ROBO1: variants seen among roughly 807,000 people sequenced by gnomAD.
ROBO1 encodes the protein roundabout homolog 1.
ROBO1 carries 149 observed loss-of-function variants against 195.9 expected under a neutral mutation model. That is an observed-to-expected ratio of 0.76 (90% confidence interval 0.67 to 0.87). ROBO1 has a LOEUF of 0.87. Among genes scored for constraint, ROBO1 ranks in the 40% least tolerant of loss-of-function variants. ROBO1 has a pLI of 0.00. For synonymous variants in ROBO1, 816 were observed against 733.2 expected (o/e 1.11, Z -1.82); for missense variants, 1,933 against 2,068.3 (o/e 0.93, Z 1.27).
At chr3:78,750,294 A>C (rs972050286) in intron 4 of ROBO1, among the ~76,000 whole-genome samples, 1 of 151,850 alleles carries the variant, frequency 6.6e-6, no homozygotes, top group African/African-American at 2.4e-5. Flanking sequence ...TCTACTAAAA[A>C]TACAAAAAAT....
intron 7 of ROBO1, among the ~76,000 whole-genome samples, chr3:78,716,724 T>C (rs1261624225): frequency 2.6e-5 from 4 of 152,166 alleles, no homozygotes; most frequent in Non-Finnish European, 5.9e-5. Flanking sequence ...GGAGTGAACA[T>C]AATGGAGAAG....
chr3:78,993,788 TATTC>T (rs2077291828), intron 3 of ROBO1, among the ~76,000 whole-genome samples: 1 of 152,190 alleles, frequency 6.6e-6, no homozygotes, highest in Non-Finnish European at 1.5e-5. Context: ...AAGTGAAATC[TATTC>T]TACTTCTGTA....
intron 8 of ROBO1, among the ~76,000 whole-genome samples, chr3:78,700,685 T>C (rs1363617257): frequency 2.6e-5 from 4 of 152,114 alleles, no homozygotes; most frequent in Non-Finnish European, 4.4e-5. Context: ...AAAATGAAGA[T>C]TAAGTAAATT....
intron 2 of ROBO1, among the ~76,000 whole-genome samples, chr3:79,284,480 A>T (rs1443546975): frequency 6.6e-6 from 1 of 152,188 alleles, no homozygotes; most frequent in Non-Finnish European, 1.5e-5. Flanking sequence ...CTTAAAGTAA[A>T]ATTAAAAAAC....
intron 2 of ROBO1, among the ~76,000 whole-genome samples, chr3:79,244,699 C>G (rs1029298787): frequency 2.6e-5 from 4 of 151,970 alleles, no homozygotes; most frequent in Non-Finnish European, 5.9e-5. Context: ...TGCTCTGATT[C>G]TATATATAAA....
At chr3:79,658,285 T>G (rs1946229253) in intron 1 of ROBO1, among the ~76,000 whole-genome samples, 1 of 152,134 alleles carries the variant, frequency 6.6e-6, no homozygotes, top group Non-Finnish European at 1.5e-5. Context: ...TAGAGCACAA[T>G]GTTCTGATGT....
intron 3 of ROBO1, among the ~76,000 whole-genome samples, chr3:79,066,488 T>A (rs2079004429): frequency 6.6e-6 from 1 of 151,868 alleles, no homozygotes; most frequent in Admixed American, 6.6e-5. Flanking sequence ...GAAAAACAAA[T>A]AAATAATCAC....
intron 4 of ROBO1, among the ~76,000 whole-genome samples, chr3:78,836,700 T>C (rs1414371008): frequency 1.3e-5 from 2 of 152,108 alleles, no homozygotes; most frequent in Admixed American, 6.5e-5. Context: ...TCAACTGACC[T>C]GTATGATAAT....
At chr3:79,092,169 G>C (rs566297792) in intron 3 of ROBO1, among the ~76,000 whole-genome samples, 1 of 152,298 alleles carries the variant, frequency 6.6e-6, no homozygotes, top group African/African-American at 2.4e-5. Context: ...TGAAGGTAGA[G>C]CCAACAGGAC....
intron 1 of ROBO1, among the ~76,000 whole-genome samples, chr3:79,679,551 T>A (rs1560094117): frequency 6.6e-6 from 1 of 152,080 alleles, no homozygotes; most frequent in Non-Finnish European, 1.5e-5. Flanking sequence ...ATTTTTTAAA[T>A]GTTCAAATGT....
chr3:79,546,228 T>C (rs1485944013), intron 2 of ROBO1, among the ~76,000 whole-genome samples: 1 of 152,064 alleles, frequency 6.6e-6, no homozygotes, highest in African/African-American at 2.4e-5. Context: ...AAATACAGCA[T>C]ATAATACATA....
intron 3 of ROBO1, among the ~76,000 whole-genome samples, chr3:79,020,182 G>A (rs1218786782): frequency 1.3e-5 from 2 of 152,208 alleles, no homozygotes; most frequent in Admixed American, 1.3e-4. Context: ...TTGCAGTTAG[G>A]AGAAGCTAGT....
chr3:79,370,662 A>G (rs2109336216), intron 2 of ROBO1, among the ~76,000 whole-genome samples: 1 of 151,226 alleles, frequency 6.6e-6, no homozygotes, highest in South Asian at 2.1e-4. Flanking sequence ...AATGTTATCT[A>G]TAATAATGTA....
chr3:79,326,280 C>G (rs2034208931), intron 2 of ROBO1, among the ~76,000 whole-genome samples: 1 of 152,192 alleles, frequency 6.6e-6, no homozygotes, highest in South Asian at 2.1e-4. Context: ...CAGGTGATCT[C>G]TGTGACCCAC....
chr3:79,625,422 T>TAAAAAAAAAAAAAAAAAAAAAA (rs1945136215), intron 1 of ROBO1, among the ~76,000 whole-genome samples: 1 of 3,980 alleles, frequency 2.5e-4, no homozygotes, highest in Non-Finnish European at 4.5e-4. Context: ...CTGTTTTTTT[T>TAAAAAAAAAAAAAAAAAAAAAA]GAAAAAAAAA....
intron 2 of ROBO1, among the ~76,000 whole-genome samples, chr3:79,329,807 A>C (rs1489465055): frequency 2.0e-5 from 3 of 152,160 alleles, no homozygotes; most frequent in Non-Finnish European, 2.9e-5. Flanking sequence ...CTTTACCTGT[A>C]ATATTTTATT....
chr3:79,567,010 C>T (rs1448689528), intron 2 of ROBO1, among the ~76,000 whole-genome samples: 1 of 152,060 alleles, frequency 6.6e-6, no homozygotes, highest in Non-Finnish European at 1.5e-5. Context: ...ACCTAAATGC[C>T]CATCAATGAT....
chr3:79,322,647 C>T (rs935769419), intron 2 of ROBO1, among the ~76,000 whole-genome samples: 3 of 152,172 alleles, frequency 2.0e-5, no homozygotes, highest in Admixed American at 6.5e-5. Flanking sequence ...ATATGGACAG[C>T]AGGCTAATAA....
intron 1 of ROBO1, among the ~76,000 whole-genome samples, chr3:79,603,282 T>C (rs1447273999): frequency 6.6e-6 from 1 of 151,914 alleles, no homozygotes; most frequent in Non-Finnish European, 1.5e-5. Context: ...GTTTCCTGAA[T>C]AACAGGTTTC....
Sources: allele counts gnomAD v4.1 joint callset (sites outside exome capture counted in the v4.1 genomes callset), GRCh38; gene constraint gnomAD v4.1.1; transcripts MANE v1.5; gene names NCBI Gene and HGNC (gene_info 2026-07-23, HGNC 2026-07-21).